Variants in ROCK2 observed in about 807,000 individuals in gnomAD.
ROCK2 encodes the protein rho-associated protein kinase 2.
In ROCK2, 61 loss-of-function variants were observed where a neutral mutation model predicts 195.1. The observed-to-expected ratio is 0.31, with a 90% CI of 0.25 to 0.39. The LOEUF (loss-of-function observed/expected upper bound fraction) is 0.39. Ranked by LOEUF, ROCK2 falls within the 10% of genes least tolerant of loss-of-function variation. ROCK2 has a pLI of 1.00. For missense variants in ROCK2, 1,109 were observed against 1,637.4 expected, an observed-to-expected ratio of 0.68 and a Z score of 5.57; for synonymous variants, 504 against 545.5, an observed-to-expected ratio of 0.92 and a Z score of 1.06.
At chr2:11,227,158 A>T in intron 6 of ROCK2, 96 bp downstream of exon 6, 1 of 1,183,548 alleles carries the variant, frequency 8.4e-7, no homozygotes, top group Non-Finnish European at 1.2e-6. Context: ...CTTCCCTACG[A>T]CAAAGGCAAT....
chr2:11,264,600 T>C (rs1314614512), intron 3 of ROCK2, among the ~76,000 whole-genome samples: 1 of 152,120 alleles, frequency 6.6e-6, no homozygotes, highest in Non-Finnish European at 1.5e-5. Context: ...ACTGTGGATA[T>C]GAGTTGGGGA....
At chr2:11,313,918 A>G (rs1056157032) in intron 1 of ROCK2, among the ~76,000 whole-genome samples, 2 of 152,050 alleles carry the variant, frequency 1.3e-5, no homozygotes, top group South Asian at 2.1e-4. Flanking sequence ...TTATAAAAAC[A>G]TTTAACACTA....
At chr2:11,270,609 T>G (rs901378830) in intron 3 of ROCK2, among the ~76,000 whole-genome samples, 4 of 152,228 alleles carry the variant, frequency 2.6e-5, no homozygotes, top group African/African-American at 7.2e-5. Flanking sequence ...CTTAGAGATA[T>G]TTTATCAACC....
In ROCK2 at chr2:11,227,686, AC is replaced by A. The variant is rs147710877; in HGVS notation, c.724-289del. On this transcript the variant is annotated intron_variant, in intron 5 of 32. Transcript: ENST00000315872. ...AATGGAGATTCCATGCAAATCAACA[AC>A]TTTTCTTTTTCTTATTTCTTACACT... 3.2e-3 allele frequency among the ~76,000 whole-genome samples: 493 copies of A among 152,364 alleles called. 2 individuals carry two copies. The highest frequency in any genetic ancestry group is 0.011 in the African/African-American group (441 of 41,596).
At chr2:11,308,690 A>G in intron 1 of ROCK2, 5 of 1,555,262 alleles carry the variant, frequency 3.2e-6, no homozygotes, top group Non-Finnish European at 4.4e-6. Context: ...TAATGTGGAC[A>G]TTGAGCTCCA....
In ROCK2 at chr2:11,180,156, C is replaced by G. The variant is rs1039608102; in HGVS notation, c.*3281G>C. On this transcript the variant is annotated 3_prime_UTR_variant, in exon 33 of 33. Transcript: ENST00000315872. ...GACTCAGAAGCTCGGCAGTGACTTG[C>G]TCAAATCAGATTTTAGACACGATTT... The G allele has an allele frequency of 2.6e-5, 4 of 152,088 alleles. No individual in the cohort carries two copies. The highest frequency in any genetic ancestry group is 9.7e-5 in the African/African-American group (4 of 41,388). The allele number at this position is 152,088 out of a possible 1,614,324, so 9.4% of individuals were successfully genotyped here.
chr2:11,186,326 T>C (rs1663196742), intron 32 of ROCK2, among the ~76,000 whole-genome samples: 1 of 152,190 alleles, frequency 6.6e-6, no homozygotes, highest in Non-Finnish European at 1.5e-5. Context: ...AGCTTTAGCA[T>C]AGGTTAGGAG....
chr2:11,224,460 C>G lies in ROCK2; in HGVS notation c.869G>C (p.Gly290Ala). 1 of 1,610,084 alleles carries G rather than the reference C, an allele frequency of 6.2e-7. No homozygotes were observed. The highest frequency in any genetic ancestry group is 8.5e-7 in the Non-Finnish European group (1 of 1,178,182). The change falls in exon 7 of 33, where the codon GGG becomes GCG. Residue 290 changes from glycine to alanine, a missense_variant and splice_region_variant. By Grantham distance (60) the Gly-to-Ala change is moderately conservative. Coordinates refer to ENST00000315872, the MANE Select transcript of ROCK2 (RefSeq NM_004850.5). ...TGAATCCGCATAAAATGGAGTATCC[C>G]CTAAAATTTCAAGAAAGAAGATACT... is the stretch of plus-strand genomic sequence containing the variant. Reference protein sequence around the residue: ...VGVFLYEMLVGDTPFYADSLV... With the variant: ...VGVFLYEMLVADTPFYADSLV...
intron 3 of ROCK2, among the ~76,000 whole-genome samples, chr2:11,264,901 G>A (rs1666360441): frequency 6.6e-6 from 1 of 152,184 alleles, no homozygotes; most frequent in Non-Finnish European, 1.5e-5. Flanking sequence ...AAGTACAGGT[G>A]AAGTCTATAT....
intron 15 of ROCK2, 94 bp from the exon 16 acceptor site, chr2:11,215,180 A>C: frequency 6.6e-7 from 1 of 1,513,962 alleles, no homozygotes; most frequent in Non-Finnish European, 8.9e-7. Flanking sequence ...AACTATTTAA[A>C]ATAAACAAAA....
chr2:11,343,195 CG>C (rs1468362902), intron 1 of ROCK2, among the ~76,000 whole-genome samples: 1 of 152,168 alleles, frequency 6.6e-6, no homozygotes, highest in Non-Finnish European at 1.5e-5. Context: ...ACTCAAATTG[CG>C]AAATACAATC....
At chr2:11,252,405 G>C (rs60643530) in intron 3 of ROCK2, among the ~76,000 whole-genome samples, 10,950 of 149,110 alleles carry the variant, frequency 0.073, 525 homozygotes, top group African/African-American at 0.078. Context: ...AAAAAAAAAA[G>C]ATCTAGAACC....
chr2:11,282,440 T>C lies in ROCK2; in HGVS notation c.324+4099A>G, dbSNP rs139400351. ...TAGACTTACTATAAAGCTACAGTAA[T>C]CAAGACAATGTGATATTGGTGAAAG... On this transcript the variant is annotated intron_variant, in intron 3 of 32. Coordinates refer to ENST00000315872, the MANE Select transcript of ROCK2 (RefSeq NM_004850.5). Among the ~76,000 whole-genome samples, 252 of 152,004 alleles carry C rather than the reference T, an allele frequency of 1.7e-3. 1 individual carries two copies. The highest frequency in any genetic ancestry group is 5.8e-3 in the African/African-American group (240 of 41,482).
At chr2:11,273,886 G>A (rs1451866518) in intron 3 of ROCK2, among the ~76,000 whole-genome samples, 4 of 145,524 alleles carry the variant, frequency 2.7e-5, no homozygotes, top group African/African-American at 7.6e-5. Context: ...CCGAGGTTGC[G>A]CCACTGCACT....
intron 12 of ROCK2, 142 bp from the exon 13 acceptor site, chr2:11,216,348 G>C (rs1664426726): frequency 1.6e-6 from 1 of 637,596 alleles, no homozygotes; most frequent in South Asian, 1.9e-5. Context: ...GCCCAGACTG[G>C]AATGCAGTGG....
At chr2:11,289,372 T>G (rs1414602228) in intron 1 of ROCK2, among the ~76,000 whole-genome samples, 1 of 152,204 alleles carries the variant, frequency 6.6e-6, no homozygotes, top group Non-Finnish European at 1.5e-5. Flanking sequence ...TCTTTATTAG[T>G]ATAATTTTGA....
At chr2:11,228,965 G>A (rs1165329781) in intron 5 of ROCK2, among the ~76,000 whole-genome samples, 1 of 151,962 alleles carries the variant, frequency 6.6e-6, no homozygotes, top group African/African-American at 2.4e-5. Context: ...TAAAGAAACA[G>A]GAACAACCTG....
At chr2:11,221,155 G>GA in intron 9 of ROCK2, 43 bp downstream of exon 9, 2 of 1,413,188 alleles carry the variant, frequency 1.4e-6, no homozygotes, top group African/African-American at 3.0e-5. Context: ...CTTATAGCTA[G>GA]ATTCTAAAAA....
chr2:11,231,584 G>A (rs554532673), intron 5 of ROCK2, among the ~76,000 whole-genome samples: 16 of 152,040 alleles, frequency 1.1e-4, no homozygotes, highest in Non-Finnish European at 7.4e-5. Context: ...TGCATGACAC[G>A]CAAAGAGTAC....
Sources: gnomAD v4.1 joint callset for allele counts (sites outside exome capture counted in the v4.1 genomes callset) on GRCh38, gnomAD v4.1.1 for gene constraint, MANE v1.5 for transcripts, NCBI Gene and HGNC (gene_info 2026-07-23, HGNC 2026-07-21) for gene names.